CFAP54: variants seen among roughly 807,000 people sequenced by gnomAD.
CFAP54 encodes cilia- and flagella-associated protein 54.
CFAP54 carries 290 observed loss-of-function variants against 370.4 expected under a neutral mutation model. The ratio of observed to expected loss-of-function variants is 0.78; its 90% confidence interval spans 0.71 to 0.86. CFAP54 has a LOEUF of 0.86. CFAP54 is among the 40% of genes least tolerant of loss of function. The pLI is 0.00. For missense variants in CFAP54, 3,399 were observed against 3,528.7 expected, an observed-to-expected ratio of 0.96 and a Z score of 0.93; for synonymous variants, 1,206 against 1,236.5, an observed-to-expected ratio of 0.98 and a Z score of 0.52.
chr12:96,765,027 A>G (rs746741249), intron 59 of CFAP54, 50 bp from the exon 60 acceptor site: 4 of 1,279,872 alleles, frequency 3.1e-6, no homozygotes, highest in Middle Eastern at 2.7e-4. Context: ...TAGATAATCT[A>G]TGAATTAGAA....
rs1660845122 is a variant in CFAP54, at chr12:96,561,936, C to T, written c.2411-2532C>T. ...AAGTAGCTGGGACTACAGGCATGTG[C>T]CAACATGCCCGGCTAATTTTTGTAC... On this transcript the variant is annotated intron_variant, in intron 17 of 67. Coordinates refer to ENST00000524981, the MANE Select transcript of CFAP54 (RefSeq NM_001306084.2). Among the ~76,000 whole-genome samples, 3 of 151,918 alleles carry T rather than the reference C, an allele frequency of 2.0e-5. No homozygotes were observed. In the South Asian group the frequency reaches 6.2e-4, roughly 32 times the overall value.
At position 96,743,408 on chromosome 12, in the gene CFAP54, A is replaced by T; in HGVS notation, c.7226A>T (p.Asp2409Val). 6.2e-7 allele frequency: 1 copy of T among 1,613,742 alleles called. No homozygotes were observed. Among genetic ancestry groups the T allele is most frequent in the Non-Finnish European group, 8.5e-7 (1 of 1,179,846 alleles). ...CCGCATTTGTTTATTTTAGAGGATG[A>T]TATGACAGATTGCCTGAGCCTCATC... ...IHGIGIVKED[D>V]MTDCLSLINE... The change falls in exon 53 of 68, where the codon GAT becomes GTT. Residue 2409 changes from aspartate (D) to valine (V), a missense_variant. Physicochemically the swap from Asp to Val is radical, Grantham distance 152. This residue lies in a region of CFAP54 where 2,796 missense variants were observed against 2,869.7 expected (regional missense o/e 0.97). Transcript: ENST00000524981.
intron 32 of CFAP54, among the ~76,000 whole-genome samples, chr12:96,632,276 T>C (rs1162092037): frequency 6.6e-6 from 1 of 152,024 alleles, no homozygotes; most frequent in African/African-American, 2.4e-5. Context: ...AATAATTAAT[T>C]CAAAAGTTTT....
At chr12:96,659,895 C>T (rs756072802) in intron 38 of CFAP54, among the ~76,000 whole-genome samples, 1 of 152,186 alleles carries the variant, frequency 6.6e-6, no homozygotes, top group Non-Finnish European at 1.5e-5. Context: ...CCTTATGGCC[C>T]AGTGGTAACC....
intron 39 of CFAP54, among the ~76,000 whole-genome samples, chr12:96,664,499 A>G (rs950365199): frequency 2.0e-5 from 3 of 151,742 alleles, no homozygotes; most frequent in Admixed American, 1.3e-4. Context: ...TCCATGGTGT[A>G]TATGTCTCAC....
Position 96,691,154 on chromosome 12 carries a change from TC to T in CFAP54, c.6111del (p.Ala2039LeufsTer31), listed in dbSNP as rs1192952612. 2 of 1,613,516 alleles carry T rather than the reference TC, an allele frequency of 1.2e-6. No individual in the cohort carries two copies. The highest frequency in any genetic ancestry group is 1.3e-5 in the African/African-American group (1 of 74,896). ...GTTTGCTTAGAACAACACTTCCACA[TC>T]CCAAAGCTGAACGTTGCTATGCTCA... is the stretch of plus-strand genomic sequence containing the variant. Reference protein sequence around the residue: ...QGLLRTTLPHPKAERCYAQYE... With the variant: ...QGLLRTTLPHXKAERCYAQYE... On this transcript the variant is annotated frameshift_variant, in exon 44 of 68. Coordinates refer to ENST00000524981, the MANE Select transcript of CFAP54 (RefSeq NM_001306084.2). LOFTEE classifies it high-confidence loss of function.
Position 96,507,023 on chromosome 12 carries a change from G to T in CFAP54, c.663G>T (p.Leu221=), listed in dbSNP as rs61730867. 113,915 of 1,535,164 alleles carry T rather than the reference G, an allele frequency of 0.074. 9,403 individuals are homozygous for T. Among genetic ancestry groups the T allele is most frequent in the East Asian group, 0.51 (20,637 of 40,756 alleles). ...LKNKESVVQC[L]HILSSLRLIM... ...ATAAAGAATCTGTGGTCCAGTGTCT[G>T]CATATCTTGTCCTCCTTAAGGCTCA... is the stretch of plus-strand genomic sequence containing the variant. The change falls in exon 4 of 68, where the codon CTG becomes CTT. Residue 221 remains leucine, a synonymous_variant. Transcript: ENST00000524981.
At chr12:96,732,796 A>G (rs1957936030) in intron 50 of CFAP54, among the ~76,000 whole-genome samples, 1 of 152,148 alleles carries the variant, frequency 6.6e-6, no homozygotes, top group Non-Finnish European at 1.5e-5. Flanking sequence ...ATAATAACAT[A>G]CCATTTCCTC....
At chr12:96,686,683 G>A (rs1363799525) in intron 42 of CFAP54, among the ~76,000 whole-genome samples, 1 of 152,080 alleles carries the variant, frequency 6.6e-6, no homozygotes, top group East Asian at 1.9e-4. Flanking sequence ...CCATTCATGA[G>A]GGATCCACCA....
At chr12:96,646,139 G>A (rs1464746982) in intron 33 of CFAP54, 1 of 152,090 alleles carries the variant, frequency 6.6e-6, no homozygotes, top group East Asian at 1.9e-4. Flanking sequence ...ACAGCAAAAA[G>A]AAACTACCAT....
intron 26 of CFAP54, among the ~76,000 whole-genome samples, chr12:96,614,137 C>T (rs955174557): frequency 6.6e-6 from 1 of 152,170 alleles, no homozygotes; most frequent in African/African-American, 2.4e-5. Context: ...AAACGGAATC[C>T]AGCAGCACAT....
Position 96,531,884 on chromosome 12 carries a change from C to T in CFAP54, c.1358-1908C>T, listed in dbSNP as rs936084669. ...GGACTACAGGTGTGCACCACCACGC[C>T]GGGCCAATTTTTTGTATTTTTAGTA... On this transcript the variant is annotated intron_variant, in intron 9 of 67. Transcript: ENST00000524981. Among the ~76,000 whole-genome samples the T allele has an allele frequency of 7.9e-5, 12 of 152,210 alleles. No homozygotes were observed. The South Asian group carries it at 1.0e-3, about 13-fold the overall frequency.
intron 63 of CFAP54, among the ~76,000 whole-genome samples, chr12:96,793,422 A>C (rs961423379): frequency 4.6e-5 from 7 of 151,976 alleles, no homozygotes; most frequent in Non-Finnish European, 8.8e-5. Flanking sequence ...GCATATGTAT[A>C]TATCACATTT....
chr12:96,498,205 G>A (rs1954980340), intron 1 of CFAP54, among the ~76,000 whole-genome samples: 1 of 152,196 alleles, frequency 6.6e-6, no homozygotes, highest in African/African-American at 2.4e-5. Flanking sequence ...TTCGGCAAGT[G>A]AGCAAAGTCA....
rs920847189 is a variant in CFAP54, at chr12:96,634,349, C to T, written c.4316+3698C>T. On this transcript the variant is annotated intron_variant, in intron 32 of 67. Transcript: ENST00000524981. ...GATTACAAGCGTGAGCCACCGTGCCCGGCCAAACATCTTTTTATATGCTTA... is the reference window on the plus strand; with the variant it reads ...GATTACAAGCGTGAGCCACCGTGCCTGGCCAAACATCTTTTTATATGCTTA... 2.9e-4 allele frequency among the ~76,000 whole-genome samples: 44 copies of T among 151,972 alleles called. 1 individual carries two copies. The highest frequency in any genetic ancestry group is 3.9e-4 in the East Asian group (2 of 5,192).
At chr12:96,800,217 C>T (rs773919472) in intron 63 of CFAP54, among the ~76,000 whole-genome samples, 1 of 152,124 alleles carries the variant, frequency 6.6e-6, no homozygotes, top group Non-Finnish European at 1.5e-5. Flanking sequence ...AAAAACAAAA[C>T]AAAACAACAT....
intron 66 of CFAP54, among the ~76,000 whole-genome samples, chr12:96,842,715 C>A (rs574517743): frequency 1.3e-5 from 2 of 152,152 alleles, no homozygotes; most frequent in Non-Finnish European, 2.9e-5. Context: ...TGGCACTCAG[C>A]GAAAGTGCTC....
chr12:96,704,747 T>G lies in CFAP54; in HGVS notation c.6479T>G (p.Phe2160Cys), dbSNP rs750250192. ...TACTATTTTGTATTTTGACAGATCT[T>G]TCAATCATTTGACTCAGGAAAACTT... Reference protein sequence around the residue: ...GYKATGKMKIFQSFDSGKLLT... With the variant: ...GYKATGKMKICQSFDSGKLLT... Residue 2160 changes from phenylalanine (F) to cysteine (C), a missense_variant, in exon 47 of 68, where the codon TTT becomes TGT. Phe to Cys is a radical substitution (Grantham distance 205). This residue lies in a region of CFAP54 where 2,796 missense variants were observed against 2,869.7 expected (regional missense o/e 0.97). Coordinates refer to ENST00000524981, the MANE Select transcript of CFAP54 (RefSeq NM_001306084.2). 8.1e-7 allele frequency: 1 copy of G among 1,229,376 alleles called. No homozygotes were observed. Among genetic ancestry groups the G allele is most frequent in the Non-Finnish European group, 1.1e-6 (1 of 888,234 alleles). 76.2% of individuals were successfully genotyped at this position (1,229,376 alleles called of 1,614,324 possible).
intron 64 of CFAP54, among the ~76,000 whole-genome samples, chr12:96,813,173 A>G (rs1333457026): frequency 6.6e-6 from 1 of 152,068 alleles, no homozygotes; most frequent in Non-Finnish European, 1.5e-5. Flanking sequence ...TCTTTTTTTT[A>G]TTCCAAAAAG....
Sources: allele counts gnomAD v4.1 joint callset (sites outside exome capture counted in the v4.1 genomes callset), GRCh38; gene constraint gnomAD v4.1.1; regional missense constraint gnomAD v4.1.1; transcripts MANE v1.5; gene names NCBI Gene and HGNC (gene_info 2026-07-23, HGNC 2026-07-21).